Variants in NAV2 observed in about 807,000 individuals in gnomAD.
NAV2 encodes neuron navigator 2.
In NAV2, 54 loss-of-function variants were observed where a neutral mutation model predicts 223.2. That is an observed-to-expected ratio of 0.24 (90% confidence interval 0.19 to 0.30). The LOEUF is 0.30. NAV2 is among the 10% of genes least tolerant of loss of function. NAV2 has a pLI of 1.00. For missense variants in NAV2, 2,806 were observed against 3,147.5 expected, an observed-to-expected ratio of 0.89 and a Z score of 2.60; for synonymous variants, 1,279 against 1,239.3, an observed-to-expected ratio of 1.03 and a Z score of -0.67.
chr11:19,804,503 A>G (rs1590639379), intron 1 of NAV2, among the ~76,000 whole-genome samples: 1 of 152,196 alleles, frequency 6.6e-6, no homozygotes, highest in African/African-American at 2.4e-5. Flanking sequence ...GTCTTGTGGG[A>G]GGAGCATTCT....
At chr11:19,600,058 G>A (rs533019331) in intron 1 of NAV2, among the ~76,000 whole-genome samples, 95 of 152,292 alleles carry the variant, frequency 6.2e-4, no homozygotes, top group African/African-American at 2.0e-3. Context: ...GTGAGACAGC[G>A]AGGAGAAAGC....
chr11:19,552,434 G>A (rs2044719308), intron 1 of NAV2, among the ~76,000 whole-genome samples: 1 of 152,004 alleles, frequency 6.6e-6, no homozygotes, highest in Admixed American at 6.5e-5. Context: ...CAGGGGCATG[G>A]AGCCCAGGGC....
chr11:19,517,657 A>T (rs960493888), intron 1 of NAV2, among the ~76,000 whole-genome samples: 11 of 152,208 alleles, frequency 7.2e-5, no homozygotes, highest in Admixed American at 3.3e-4. Context: ...GCTTATCCAG[A>T]TATTGCACCA....
chr11:19,851,829 G>A (rs573402629), intron 3 of NAV2, among the ~76,000 whole-genome samples: 1 of 152,336 alleles, frequency 6.6e-6, no homozygotes, highest in African/African-American at 2.4e-5. Flanking sequence ...ATGCGATTAA[G>A]GATTTTGAGA....
chr11:19,471,428 C>A (rs2041962260), intron 1 of NAV2, among the ~76,000 whole-genome samples: 1 of 152,186 alleles, frequency 6.6e-6, no homozygotes, highest in Admixed American at 6.5e-5. Flanking sequence ...ATAACTATTT[C>A]TTGAGTGCTT....
intron 6 of NAV2, among the ~76,000 whole-genome samples, chr11:19,899,610 T>A (rs983424813): frequency 6.6e-6 from 1 of 152,186 alleles, no homozygotes; most frequent in African/African-American, 2.4e-5. Flanking sequence ...AGACTCTGCT[T>A]CCCAGGGACT....
At chr11:19,994,065 G>A (rs1403692173) in intron 11 of NAV2, among the ~76,000 whole-genome samples, 1 of 152,180 alleles carries the variant, frequency 6.6e-6, no homozygotes, top group African/African-American at 2.4e-5. Context: ...AAGCATCGGG[G>A]ACTGCATATG....
At position 19,978,393 on chromosome 11, in the gene NAV2, A is replaced by T. The variant is rs114681741; in HGVS notation, c.2646-5732A>T. Among the ~76,000 whole-genome samples, 860 of 152,344 alleles carry T rather than the reference A, an allele frequency of 5.6e-3. 8 individuals carry two copies. Among genetic ancestry groups the T allele is most frequent in the African/African-American group, 0.019 (782 of 41,584 alleles). ...ATGTTGATGACATTGCTCAACAACA[A>T]GGGCTTTTCGTCAGCCCCCATTAGT... On this transcript the variant is annotated intron_variant, in intron 10 of 37. Transcript: ENST00000349880.
chr11:19,379,544 A>T (rs1369832002), intron 1 of NAV2, among the ~76,000 whole-genome samples: 2 of 152,062 alleles, frequency 1.3e-5, no homozygotes, highest in African/African-American at 4.8e-5. Flanking sequence ...GTTGTGGAGG[A>T]AAGGGCAGAG....
intron 1 of NAV2, among the ~76,000 whole-genome samples, chr11:19,584,551 T>C (rs1330497283): frequency 6.6e-6 from 1 of 152,252 alleles, no homozygotes; most frequent in Non-Finnish European, 1.5e-5. Context: ...CTGCTTTGAA[T>C]GTGTCCCAGA....
intron 35 of NAV2, 53 bp from the exon 36 acceptor site, chr11:20,107,611 C>A: frequency 7.2e-7 from 1 of 1,380,770 alleles, no homozygotes. Flanking sequence ...TCACCTGATG[C>A]CCCATCACCC....
chr11:19,895,104 C>CTTTTTTTTTTTTTTTT (rs71050690), intron 6 of NAV2, among the ~76,000 whole-genome samples: 54 of 99,238 alleles, frequency 5.4e-4, no homozygotes, highest in East Asian at 1.3e-3. Context: ...CTTTTTCTTT[C>CTTTTTTTTTTTTTTTT]TTTTTTTTTT....
chr11:19,592,067 G>A (rs1422390651), intron 1 of NAV2, among the ~76,000 whole-genome samples: 4 of 152,102 alleles, frequency 2.6e-5, no homozygotes, highest in East Asian at 3.9e-4. Flanking sequence ...ATCCACGTAC[G>A]TTTGGATCAT....
intron 3 of NAV2, among the ~76,000 whole-genome samples, chr11:19,862,485 C>G (rs992872232): frequency 1.3e-5 from 2 of 152,192 alleles, no homozygotes; most frequent in Middle Eastern, 3.2e-3. Context: ...GTCACGGAGC[C>G]CCTCTTATGA....
In NAV2 at chr11:19,998,081, T is replaced by G. The variant is rs2052102415; in HGVS notation, c.2768+13834T>G. Among the ~76,000 whole-genome samples the G allele has an allele frequency of 1.3e-5, 2 of 152,164 alleles. No homozygotes were observed. The highest frequency in any genetic ancestry group is 4.8e-5 in the African/African-American group (2 of 41,442). ...TGTTTTTCTCAGCATTCCCAGGCTTTGCACAGAGCTGGGCATATACAGTAG... is the reference window on the plus strand; with the variant it reads ...TGTTTTTCTCAGCATTCCCAGGCTTGGCACAGAGCTGGGCATATACAGTAG... On this transcript the variant is annotated intron_variant, in intron 11 of 37. Coordinates refer to ENST00000349880, the MANE Select transcript of NAV2 (RefSeq NM_145117.5). This position sits in a 1 kb window ranked among gnomAD's most constrained non-coding sequence, Gnocchi z 5.0.
Position 19,925,880 on chromosome 11 carries a change from T to G in NAV2, c.932-7296T>G, listed in dbSNP as rs908941104. Among the ~76,000 whole-genome samples the G allele has an allele frequency of 2.0e-5, 3 of 152,358 alleles. No individual in the cohort carries two copies. The South Asian group carries it at 6.2e-4, about 32-fold the overall frequency. ...TGTGGAACTCTTACCAAAAATTGTTTGACCATATGTGCAAAGGTTTATTTC... is the reference window on the plus strand; with the variant it reads ...TGTGGAACTCTTACCAAAAATTGTTGGACCATATGTGCAAAGGTTTATTTC... On this transcript the variant is annotated intron_variant, in intron 6 of 37. Coordinates refer to ENST00000349880, the MANE Select transcript of NAV2 (RefSeq NM_145117.5).
intron 1 of NAV2, among the ~76,000 whole-genome samples, chr11:19,570,711 A>T (rs2045400099): frequency 6.6e-6 from 1 of 152,238 alleles, no homozygotes; most frequent in Admixed American, 6.5e-5. Flanking sequence ...CATTAGGGAC[A>T]AACAAGTCAA....
intron 11 of NAV2, chr11:20,027,199 G>A (rs2055175401): frequency 8.9e-6 from 8 of 897,780 alleles, no homozygotes; most frequent in Non-Finnish European, 1.1e-5. Context: ...CCTGTTTGGT[G>A]GGAAATGTAG....
chr11:19,808,071 T>C (rs993787556), intron 1 of NAV2, among the ~76,000 whole-genome samples: 1 of 152,174 alleles, frequency 6.6e-6, no homozygotes, highest in African/African-American at 2.4e-5. Flanking sequence ...TGTTTTAACC[T>C]CTCTTAAAAA....
Sources: allele counts gnomAD v4.1 joint callset (sites outside exome capture counted in the v4.1 genomes callset), GRCh38; gene constraint gnomAD v4.1.1; non-coding constraint Gnocchi (gnomAD v3.1); transcripts MANE v1.5; gene names NCBI Gene and HGNC (gene_info 2026-07-23, HGNC 2026-07-21).